Variants in GPC6 observed in about 807,000 individuals in gnomAD.
GPC6 encodes the protein glypican-6.
A neutral mutation model predicts 55.2 loss-of-function variants in GPC6; 14 were observed. The ratio of observed to expected loss-of-function variants is 0.25; its 90% CI spans 0.17 to 0.40. The LOEUF is 0.40. GPC6 is among the 10% of genes least tolerant of loss of function. The pLI, the probability that GPC6 is intolerant of heterozygous loss-of-function variation, is 1.00. For missense variants in GPC6, 641 were observed against 708.5 expected (o/e 0.90, Z 1.08); for synonymous variants, 278 against 259.6 (o/e 1.07, Z -0.68).
intron 1 of GPC6, among the ~76,000 whole-genome samples, chr13:93,258,998 C>G (rs1441139196): frequency 6.6e-6 from 1 of 152,020 alleles, no homozygotes; most frequent in East Asian, 1.9e-4. Flanking sequence ...ATGGTAACTT[C>G]TGAAGCTGGA....
chr13:93,979,327 G>GTGTGTT (rs1555346102), intron 3 of GPC6, among the ~76,000 whole-genome samples: 11 of 142,666 alleles, frequency 7.7e-5, no homozygotes, highest in Admixed American at 2.7e-4. Flanking sequence ...GTTTGTGTGT[G>GTGTGTT]TTTTTTTGTG....
chr13:94,388,801 A>G (rs946969784), intron 7 of GPC6, among the ~76,000 whole-genome samples: 4 of 152,096 alleles, frequency 2.6e-5, no homozygotes, highest in Non-Finnish European at 4.4e-5. Context: ...GAAATCATCT[A>G]CCCTCATGAT....
At chr13:93,586,760 CACAAT>C (rs1877220839) in intron 2 of GPC6, among the ~76,000 whole-genome samples, 1 of 152,118 alleles carries the variant, frequency 6.6e-6, no homozygotes, top group Non-Finnish European at 1.5e-5. Context: ...AAGACCTTAT[CACAAT>C]ACAAGACTAG....
At chr13:93,765,681 A>C (rs1371776036) in intron 2 of GPC6, among the ~76,000 whole-genome samples, 1 of 152,198 alleles carries the variant, frequency 6.6e-6, no homozygotes, top group Admixed American at 6.5e-5. Context: ...TAAATTACAT[A>C]GCACCCTAAA....
intron 2 of GPC6, among the ~76,000 whole-genome samples, chr13:93,791,469 T>C (rs1160223399): frequency 6.6e-6 from 1 of 152,204 alleles, no homozygotes; most frequent in Admixed American, 6.5e-5. Context: ...TTATTATACA[T>C]TTATTTCCAA....
chr13:93,591,468 G>GAA (rs60796601), intron 2 of GPC6, among the ~76,000 whole-genome samples: 1 of 124,562 alleles, frequency 8.0e-6, no homozygotes, highest in Admixed American at 7.9e-5. Context: ...CGTCTCAAAG[G>GAA]AAAAAAAAAA....
chr13:93,826,448 G>T (rs1887256068), intron 2 of GPC6, among the ~76,000 whole-genome samples: 1 of 151,926 alleles, frequency 6.6e-6, no homozygotes, highest in South Asian at 2.1e-4. Context: ...GTTCCGAAAG[G>T]ATATAGATTC....
chr13:93,516,952 A>G (rs374001317), intron 1 of GPC6, among the ~76,000 whole-genome samples: 4 of 152,158 alleles, frequency 2.6e-5, no homozygotes, highest in African/African-American at 9.7e-5. Flanking sequence ...AAGCTAACCA[A>G]TAGTACAAAG....
chr13:93,634,763 A>G (rs1020784757), intron 2 of GPC6, among the ~76,000 whole-genome samples: 7 of 152,238 alleles, frequency 4.6e-5, no homozygotes, highest in African/African-American at 1.7e-4. Flanking sequence ...GGCTTTCCCC[A>G]GAATTTTTAG....
chr13:93,906,642 T>A (rs1876685257), intron 3 of GPC6, among the ~76,000 whole-genome samples: 1 of 152,160 alleles, frequency 6.6e-6, no homozygotes, highest in Non-Finnish European at 1.5e-5. Flanking sequence ...CAAATGAAAT[T>A]CAGAGGTAAG....
chr13:93,649,267 A>G (rs1880304600), intron 2 of GPC6, among the ~76,000 whole-genome samples: 1 of 152,172 alleles, frequency 6.6e-6, no homozygotes, highest in Non-Finnish European at 1.5e-5. Context: ...CCTGAGCAAC[A>G]TGGCAAAAAC....
At chr13:93,238,109 T>A (rs767871177) in intron 1 of GPC6, among the ~76,000 whole-genome samples, 1 of 151,616 alleles carries the variant, frequency 6.6e-6, no homozygotes, top group African/African-American at 2.4e-5. Flanking sequence ...AAAAACGATA[T>A]TGGTATATTG....
At chr13:94,340,628 C>T (rs1022422758) in intron 6 of GPC6, among the ~76,000 whole-genome samples, 2 of 152,054 alleles carry the variant, frequency 1.3e-5, no homozygotes, top group Admixed American at 6.6e-5. Flanking sequence ...GTATATAAAG[C>T]CAAAGAAGGG....
chr13:93,231,331 G>GTA (rs1491441959), intron 1 of GPC6, among the ~76,000 whole-genome samples: 8 of 75,460 alleles, frequency 1.1e-4, no homozygotes, highest in African/African-American at 3.9e-4. Flanking sequence ...ATATATATAC[G>GTA]TATATATATA....
At chr13:93,331,249 A>C (rs2139136720) in intron 1 of GPC6, among the ~76,000 whole-genome samples, 1 of 152,340 alleles carries the variant, frequency 6.6e-6, no homozygotes, top group East Asian at 1.9e-4. Context: ...TAAGTAGCCA[A>C]GTTTAATTAT....
At chr13:93,681,727 G>A (rs1430580543) in intron 2 of GPC6, among the ~76,000 whole-genome samples, 2 of 152,148 alleles carry the variant, frequency 1.3e-5, no homozygotes, top group Non-Finnish European at 2.9e-5. Flanking sequence ...TGCGAGAAAT[G>A]TTCAGAATAT....
chr13:93,929,142 C>T (rs114312701), intron 3 of GPC6, among the ~76,000 whole-genome samples: 2,404 of 152,232 alleles, frequency 0.016, 74 homozygotes, highest in African/African-American at 0.055. Flanking sequence ...TTTCATGATT[C>T]ATACCTGGCC....
chr13:93,963,844 A>C (rs1879898097), intron 3 of GPC6, among the ~76,000 whole-genome samples: 1 of 152,188 alleles, frequency 6.6e-6, no homozygotes, highest in East Asian at 1.9e-4. Context: ...TCAAAATAAG[A>C]GCAACCCACT....
At chr13:94,200,120 C>T (rs2138974546) in intron 4 of GPC6, among the ~76,000 whole-genome samples, 1 of 148,504 alleles carries the variant, frequency 6.7e-6, no homozygotes, top group Admixed American at 6.8e-5. Context: ...TGCACCATTA[C>T]ACTCCAGCCT....
Sources: gnomAD v4.1 joint callset for allele counts (sites outside exome capture counted in the v4.1 genomes callset) on GRCh38, gnomAD v4.1.1 for gene constraint, MANE v1.5 for transcripts, NCBI Gene and HGNC (gene_info 2026-07-23, HGNC 2026-07-21) for gene names.